OR51B5: variants seen among roughly 807,000 people sequenced by gnomAD.
OR51B5 encodes olfactory receptor family 51 subfamily B member 5, also known as olfactory receptor 51B5.
For synonymous variants in OR51B5, 186 were observed against 144.8 expected, an observed-to-expected ratio of 1.28 and a Z score of -2.04; for missense variants, 456 against 374.6, an observed-to-expected ratio of 1.22 and a Z score of -1.79.
intron 1 of OR51B5, among the ~76,000 whole-genome samples, chr11:5,473,670 A>C (rs1851262969): frequency 6.6e-6 from 1 of 152,214 alleles, no homozygotes; most frequent in Non-Finnish European, 1.5e-5. Context: ...TTTAATGGAA[A>C]AATAAGCATA....
At chr11:5,427,785 A>G (rs2133765893) in intron 1 of OR51B5, among the ~76,000 whole-genome samples, 1 of 152,340 alleles carries the variant, frequency 6.6e-6, no homozygotes, top group East Asian at 1.9e-4. Context: ...ATTATATTTC[A>G]TACGGGAATG....
chr11:5,491,820 A>G (rs1211909116), intron 1 of OR51B5, among the ~76,000 whole-genome samples: 2 of 152,210 alleles, frequency 1.3e-5, no homozygotes. Flanking sequence ...GGTTTTACCT[A>G]TGCACTAAAA....
chr11:5,426,680 C>A (rs1174007983), intron 1 of OR51B5, among the ~76,000 whole-genome samples: 1 of 152,062 alleles, frequency 6.6e-6, no homozygotes, highest in Non-Finnish European at 1.5e-5. Context: ...ATGTTGAGTG[C>A]TTTAAATTAA....
At chr11:5,504,435 T>C (rs1040429939) in intron 1 of OR51B5, among the ~76,000 whole-genome samples, 3 of 152,180 alleles carry the variant, frequency 2.0e-5, no homozygotes, top group Non-Finnish European at 2.9e-5. Context: ...TCTGTGACTC[T>C]ATCTTCTCTT....
intron 1 of OR51B5, among the ~76,000 whole-genome samples, chr11:5,367,720 T>C (rs1025861957): frequency 9.2e-5 from 14 of 152,342 alleles, no homozygotes; most frequent in African/African-American, 3.4e-4. Context: ...CTCAGCCTTA[T>C]TGTACCCAGC....
At chr11:5,376,693 TAAACTA>T in intron 1 of OR51B5, among the ~76,000 whole-genome samples, 2 of 151,940 alleles carry the variant, frequency 1.3e-5, no homozygotes, top group African/African-American at 4.8e-5. Flanking sequence ...TCTACGCAAA[TAAACTA>T]GAAAATCTAG....
At chr11:5,499,276 G>A (rs1371205594) in intron 1 of OR51B5, among the ~76,000 whole-genome samples, 1 of 2,012 alleles carries the variant, frequency 5.0e-4, no homozygotes, top group Admixed American at 6.6e-3. Context: ...CAAGCCTTTG[G>A]TTACTCTTTG....
chr11:5,452,059 A>G (rs568768822), intron 1 of OR51B5, among the ~76,000 whole-genome samples: 4 of 152,354 alleles, frequency 2.6e-5, no homozygotes, highest in Admixed American at 6.5e-5. Context: ...TAGTAGATTA[A>G]TATCAGTGGG....
intron 1 of OR51B5, among the ~76,000 whole-genome samples, chr11:5,360,909 A>C (rs1206352573): frequency 3.3e-5 from 5 of 150,892 alleles, no homozygotes; most frequent in Admixed American, 2.6e-4. Context: ...CAAACACTGC[A>C]TGTTCTCACT....
intron 1 of OR51B5, chr11:5,468,478 T>C (rs901097137): frequency 8.8e-6 from 3 of 341,802 alleles, no homozygotes; most frequent in African/African-American, 6.5e-5. Context: ...CAGGACAGTT[T>C]TCCTTGATCA....
At chr11:5,394,937 A>C (rs960635520) in intron 1 of OR51B5, among the ~76,000 whole-genome samples, 23 of 152,200 alleles carry the variant, frequency 1.5e-4, no homozygotes, top group African/African-American at 5.3e-4. Context: ...AGACTGTCTC[A>C]AGGGGACTTT....
chr11:5,386,343 TAG>T (rs1392196444), intron 1 of OR51B5, among the ~76,000 whole-genome samples: 3 of 152,168 alleles, frequency 2.0e-5, no homozygotes, highest in African/African-American at 7.2e-5. Flanking sequence ...GGGCCATGCA[TAG>T]AGAGACAAAG....
At chr11:5,343,325 G>A in exon 1 of OR51B5, 1 of 1,456,148 alleles carries the variant, frequency 6.9e-7, no homozygotes, top group Non-Finnish European at 9.4e-7. Flanking sequence ...CCCCAGGTCT[G>A]TGGCAGCCAG....
intron 1 of OR51B5, among the ~76,000 whole-genome samples, chr11:5,355,751 C>T (rs569812362): frequency 7.0e-5 from 6 of 85,824 alleles, no homozygotes; most frequent in Non-Finnish European, 1.2e-4. Flanking sequence ...CTAACAATTA[C>T]CTTTAAAAAT....
intron 1 of OR51B5, among the ~76,000 whole-genome samples, chr11:5,493,647 A>T (rs1470766702): frequency 6.6e-6 from 1 of 152,246 alleles, no homozygotes; most frequent in Non-Finnish European, 1.5e-5. Context: ...TAAGTCTCCA[A>T]AGAACTGTGT....
chr11:5,357,298 A>G (rs1369073376), intron 1 of OR51B5, among the ~76,000 whole-genome samples: 1 of 151,980 alleles, frequency 6.6e-6, no homozygotes, highest in Non-Finnish European at 1.5e-5. Flanking sequence ...AAGAAAATGG[A>G]AAACAAAAAA....
At chr11:5,500,559 A>C (rs145323255) in intron 1 of OR51B5, among the ~76,000 whole-genome samples, 2 of 148,164 alleles carry the variant, frequency 1.3e-5, no homozygotes, top group East Asian at 3.9e-4. Flanking sequence ...AAGAACTGTC[A>C]TAAGAGACTC....
In OR51B5 at chr11:5,382,563, A is replaced by T. The variant is rs528718647; in HGVS notation, n.85-35653T>A. The stretch of plus-strand genomic sequence containing the variant: ...TGTCCTTGGCTAGGATCCCAGTGAA[A>T]TAGGCTAAAATCATGTTCTTAATAA... On this transcript the variant is annotated intron_variant and non_coding_transcript_variant, in intron 1 of 4. Transcript: ENST00000415970. Among the ~76,000 whole-genome samples, 306 of 152,310 alleles carry T rather than the reference A, an allele frequency of 2.0e-3. 1 individual carries two copies. The highest frequency in any genetic ancestry group is 3.4e-3 in the Non-Finnish European group (231 of 68,022).
chr11:5,368,694 T>G (rs1303580883), intron 1 of OR51B5, among the ~76,000 whole-genome samples: 1 of 152,214 alleles, frequency 6.6e-6, no homozygotes, highest in Non-Finnish European at 1.5e-5. Flanking sequence ...CAGTTTTATC[T>G]GTCAAGAGCA....
Sources: gnomAD v4.1 joint callset for allele counts (sites outside exome capture counted in the v4.1 genomes callset) on GRCh38, gnomAD v4.1.1 for gene constraint, MANE v1.5 for transcripts, NCBI Gene and HGNC (gene_info 2026-07-23, HGNC 2026-07-21) for gene names.